The following WWOX variants were observed in gnomAD, a reference collection of about 807,000 sequenced individuals.
WWOX encodes WW domain-containing oxidoreductase.
A neutral mutation model predicts 46.2 loss-of-function variants in WWOX; 69 were observed. The observed-to-expected ratio is 1.49, with a 90% confidence interval of 1.23 to 1.82. The LOEUF is 1.82. Among genes scored for constraint, WWOX ranks in the 40% most tolerant of loss-of-function variants. WWOX has a pLI of 0.00. For synonymous variants in WWOX, 359 were observed against 202.6 expected, an observed-to-expected ratio of 1.77 and a Z score of -6.56; for missense variants, 919 against 542.6, an observed-to-expected ratio of 1.69 and a Z score of -6.89.
Position 78,404,078 on chromosome 16 carries a change from C to T in WWOX, c.605+17130C>T, listed in dbSNP as rs79575238. On this transcript the variant is annotated intron_variant, in intron 6 of 8. Transcript: ENST00000566780. ...CGAGGCTAAAAAGTATAGAAGAGTTCGTTTCCAGTGCAATTTTATAAACAC... is the reference window on the plus strand; with the variant it reads ...CGAGGCTAAAAAGTATAGAAGAGTTTGTTTCCAGTGCAATTTTATAAACAC... Among the ~76,000 whole-genome samples, 20 of 152,240 alleles carry T rather than the reference C, an allele frequency of 1.3e-4. No individual in the cohort carries two copies. The East Asian group carries it at 2.7e-3, about 21-fold the overall frequency.
chr16:78,533,411 TA>T (rs11324963), intron 8 of WWOX, among the ~76,000 whole-genome samples: 111,633 of 147,096 alleles, frequency 0.76, 44,179 homozygotes, highest in East Asian at 0.91. Flanking sequence ...GTTGATGAGC[TA>T]AAAAAAAAAA....
At chr16:78,422,623 G>A (rs1459367093) in intron 6 of WWOX, among the ~76,000 whole-genome samples, 8 of 123,628 alleles carry the variant, frequency 6.5e-5, no homozygotes, top group Non-Finnish European at 1.2e-4. Context: ...TGGAATTTCA[G>A]AGGTGAGCCA....
At chr16:78,376,692 C>G (rs1392986596) in intron 5 of WWOX, among the ~76,000 whole-genome samples, 2 of 152,092 alleles carry the variant, frequency 1.3e-5, no homozygotes, top group Non-Finnish European at 2.9e-5. Flanking sequence ...CCCTGGATGC[C>G]AGTTCACTTT....
intron 8 of WWOX, among the ~76,000 whole-genome samples, chr16:79,163,884 G>GAA (rs10671742): frequency 4.1e-4 from 56 of 136,438 alleles, no homozygotes; most frequent in African/African-American, 1.0e-3. Context: ...AAGAGAATTG[G>GAA]AAAAAAAAAA....
At chr16:78,179,472 A>T (rs1034262237) in intron 5 of WWOX, among the ~76,000 whole-genome samples, 4 of 152,218 alleles carry the variant, frequency 2.6e-5, no homozygotes, top group Non-Finnish European at 5.9e-5. Context: ...GCAATTAATT[A>T]ATTATAGTTA....
intron 5 of WWOX, among the ~76,000 whole-genome samples, chr16:78,200,693 G>A (rs1487227610): frequency 7.7e-6 from 1 of 129,512 alleles, no homozygotes; most frequent in African/African-American, 3.0e-5. Flanking sequence ...TTACAGTGTG[G>A]TGCCTTTGCC....
intron 5 of WWOX, among the ~76,000 whole-genome samples, chr16:78,274,672 C>T (rs1214098725): frequency 1.3e-5 from 2 of 152,160 alleles, no homozygotes; most frequent in African/African-American, 4.8e-5. Context: ...TTGTCTTCTG[C>T]ATTGGCTTCA....
chr16:78,461,997 A>G (rs893609677), intron 8 of WWOX, among the ~76,000 whole-genome samples: 1 of 152,244 alleles, frequency 6.6e-6, no homozygotes, highest in Non-Finnish European at 1.5e-5. Context: ...GCATTTTGCT[A>G]CAATTAAACT....
intron 8 of WWOX, among the ~76,000 whole-genome samples, chr16:78,799,961 C>A (rs959159865): frequency 5.3e-5 from 8 of 152,192 alleles, no homozygotes; most frequent in African/African-American, 1.9e-4. Context: ...ACTTCCCCCG[C>A]GTCTGGCATT....
chr16:79,065,193 C>G (rs1034228254), intron 8 of WWOX, among the ~76,000 whole-genome samples: 1 of 152,154 alleles, frequency 6.6e-6, no homozygotes. Context: ...TTCCTTAGTT[C>G]TTATAATTGC....
At chr16:78,675,943 TTC>T (rs1482691357) in intron 8 of WWOX, among the ~76,000 whole-genome samples, 3 of 152,170 alleles carry the variant, frequency 2.0e-5, no homozygotes, top group African/African-American at 7.2e-5. Flanking sequence ...ATTTAAATCC[TTC>T]TCTGTCCCAC....
chr16:79,057,112 G>C lies in WWOX; in HGVS notation c.1057-154496G>C, dbSNP rs144225504. On this transcript the variant is annotated intron_variant, in intron 8 of 8. Coordinates refer to ENST00000566780, the MANE Select transcript of WWOX (RefSeq NM_016373.4). ...CTTAACCCACTAATCTGTTATGACT[G>C]CTTGGGGAGTGCTAGCGCAGGTTCT... is the stretch of plus-strand genomic sequence containing the variant. 3.1e-3 allele frequency among the ~76,000 whole-genome samples: 471 copies of C among 152,346 alleles called. 3 individuals are homozygous for C. Among genetic ancestry groups the C allele is most frequent in the Non-Finnish European group, 4.8e-3 (329 of 68,038 alleles).
At chr16:78,330,048 G>A (rs1456467351) in intron 5 of WWOX, among the ~76,000 whole-genome samples, 1 of 152,056 alleles carries the variant, frequency 6.6e-6, no homozygotes, top group East Asian at 1.9e-4. Flanking sequence ...GTCACTGCCT[G>A]GTGCTTTCTT....
intron 8 of WWOX, among the ~76,000 whole-genome samples, chr16:78,532,618 AG>A (rs1209705555): frequency 1.3e-5 from 2 of 152,238 alleles, no homozygotes; most frequent in Admixed American, 1.3e-4. Flanking sequence ...CAAAAGAAAA[AG>A]GTTTATTGGA....
intron 8 of WWOX, among the ~76,000 whole-genome samples, chr16:78,676,995 T>C (rs747390477): frequency 8.5e-5 from 13 of 152,058 alleles, no homozygotes; most frequent in Non-Finnish European, 1.8e-4. Context: ...GCATTTTTAT[T>C]GGTAGAACGT....
At chr16:78,390,267 C>T (rs76763358) in intron 6 of WWOX, among the ~76,000 whole-genome samples, 1 of 152,206 alleles carries the variant, frequency 6.6e-6, no homozygotes, top group Admixed American at 6.5e-5. Context: ...AGAGAGCCAA[C>T]TGTTACATAA....
chr16:78,510,216 C>T (rs1438558172), intron 8 of WWOX, among the ~76,000 whole-genome samples: 1 of 152,048 alleles, frequency 6.6e-6, no homozygotes, highest in African/African-American at 2.4e-5. Flanking sequence ...CACTTTCATC[C>T]TTCTTTTTTT....
At chr16:78,464,145 A>G (rs752275755) in intron 8 of WWOX, among the ~76,000 whole-genome samples, 10 of 152,136 alleles carry the variant, frequency 6.6e-5, no homozygotes, top group Non-Finnish European at 1.3e-4. Flanking sequence ...AGGAACACTG[A>G]GACCTAATGC....
intron 8 of WWOX, among the ~76,000 whole-genome samples, chr16:78,956,160 T>G (rs2046162432): frequency 6.6e-6 from 1 of 151,838 alleles, no homozygotes; most frequent in Non-Finnish European, 1.5e-5. Flanking sequence ...TTTGTTGTTG[T>G]TTTGAGATGG....
Sources: allele counts gnomAD v4.1 joint callset (sites outside exome capture counted in the v4.1 genomes callset), GRCh38; gene constraint gnomAD v4.1.1; transcripts MANE v1.5; gene names NCBI Gene and HGNC (gene_info 2026-07-23, HGNC 2026-07-21).